IGF2BP2: variants seen among roughly 807,000 people sequenced by gnomAD.
IGF2BP2 encodes insulin-like growth factor 2 mRNA-binding protein 2.
IGF2BP2 carries 17 observed loss-of-function variants against 75.8 expected under a neutral mutation model. The ratio of observed to expected loss-of-function variants is 0.22; its 90% CI spans 0.15 to 0.34. The LOEUF (loss-of-function observed/expected upper bound fraction) is 0.34. Ranked by LOEUF, IGF2BP2 falls within the 10% of genes least tolerant of loss-of-function variation. The pLI, the probability that IGF2BP2 is intolerant of heterozygous loss-of-function variation, is 1.00. For synonymous variants in IGF2BP2, 288 were observed against 295.6 expected, an observed-to-expected ratio of 0.97 and a Z score of 0.26; for missense variants, 516 against 772.4, an observed-to-expected ratio of 0.67 and a Z score of 3.93.
chr3:185,687,811 A>C (rs1035461215), intron 6 of IGF2BP2, among the ~76,000 whole-genome samples: 2 of 152,220 alleles, frequency 1.3e-5, no homozygotes, highest in Non-Finnish European at 2.9e-5. Flanking sequence ...AAAATTACAT[A>C]ACTGATTATA....
chr3:185,785,294 CCTT>C (rs67940519), intron 2 of IGF2BP2, among the ~76,000 whole-genome samples: 43,117 of 146,354 alleles, frequency 0.29, 6,824 homozygotes, highest in African/African-American at 0.42. Context: ...GAGTGAGACT[CCTT>C]CTCAAAAAAA....
At chr3:185,799,892 T>C (rs1298786066) in intron 2 of IGF2BP2, among the ~76,000 whole-genome samples, 7 of 152,182 alleles carry the variant, frequency 4.6e-5, no homozygotes, top group Non-Finnish European at 1.0e-4. Flanking sequence ...GATCTAGAAC[T>C]AGAAATGCCA....
chr3:185,823,138 G>C lies in IGF2BP2; in HGVS notation c.239+15C>G, dbSNP rs758301071. On this transcript the variant is annotated intron_variant, in intron 2 of 15. Transcript: ENST00000382199. ...AGGCCAATCGCAAAAAAAAAACTAA[G>C]CAAAGTATATTTACCTTAGCTTTTT... 3.2e-6 allele frequency: 5 copies of C among 1,559,228 alleles called. 1 individual carries two copies. The Admixed American group carries it at 9.7e-5, about 30-fold the overall frequency.
chr3:185,659,352 A>G (rs2149108346), intron 10 of IGF2BP2, among the ~76,000 whole-genome samples: 1 of 152,334 alleles, frequency 6.6e-6, no homozygotes, highest in Non-Finnish European at 1.5e-5. Flanking sequence ...GAAAATAGAA[A>G]TTTAGAAAGT....
chr3:185,760,787 A>T (rs550662503), intron 2 of IGF2BP2, among the ~76,000 whole-genome samples: 1 of 152,176 alleles, frequency 6.6e-6, no homozygotes, highest in African/African-American at 2.4e-5. Flanking sequence ...CTGGGAGCAG[A>T]GGATCAGCTG....
At chr3:185,703,785 G>A (rs1379209552) in intron 2 of IGF2BP2, among the ~76,000 whole-genome samples, 1 of 152,008 alleles carries the variant, frequency 6.6e-6, no homozygotes, top group African/African-American at 2.4e-5. Flanking sequence ...AAGAAAGAAA[G>A]AAAGAGAGAA....
At chr3:185,754,924 A>G (rs1229246334) in intron 2 of IGF2BP2, among the ~76,000 whole-genome samples, 2 of 152,180 alleles carry the variant, frequency 1.3e-5, no homozygotes, top group African/African-American at 4.8e-5. Flanking sequence ...TTAAAGTGGA[A>G]CTTATATTTA....
intron 7 of IGF2BP2, among the ~76,000 whole-genome samples, chr3:185,679,736 C>G (rs1474876537): frequency 2.0e-5 from 3 of 152,136 alleles, no homozygotes; most frequent in African/African-American, 7.2e-5. Flanking sequence ...CCTGCCTCAG[C>G]CTCCTGAGTA....
chr3:185,812,886 GA>G (rs1250928394), intron 2 of IGF2BP2, among the ~76,000 whole-genome samples: 2 of 152,178 alleles, frequency 1.3e-5, no homozygotes, highest in Admixed American at 1.3e-4. Context: ...TGTTGGCCTA[GA>G]AATTTATAAG....
rs2150069824 is a variant in IGF2BP2 at position 185,821,820 on chromosome 3, A to G, written c.239+1333T>C. Among the ~76,000 whole-genome samples the G allele has an allele frequency of 2.0e-5, 3 of 152,316 alleles. No homozygotes were observed. In the South Asian group the frequency reaches 6.2e-4, roughly 32 times the overall value. ...TAATTTATATTTGTTGTAAATAGTT[A>G]ATATATCAGAAAGCTTCAACTTGGA... On this transcript the variant is annotated intron_variant, in intron 2 of 15. Coordinates refer to ENST00000382199, the MANE Select transcript of IGF2BP2 (RefSeq NM_006548.6).
intron 2 of IGF2BP2, among the ~76,000 whole-genome samples, chr3:185,752,009 G>A (rs1303505547): frequency 1.3e-5 from 2 of 152,162 alleles, no homozygotes; most frequent in Non-Finnish European, 2.9e-5. Context: ...AATGCTATTA[G>A]TTGTGTAGGT....
intron 2 of IGF2BP2, among the ~76,000 whole-genome samples, chr3:185,781,502 G>A (rs757118211): frequency 1.3e-5 from 2 of 152,148 alleles, no homozygotes; most frequent in Non-Finnish European, 2.9e-5. Context: ...AAGGTTTGGC[G>A]TTAACAGGGT....
chr3:185,806,293 A>G (rs4686392), intron 2 of IGF2BP2, among the ~76,000 whole-genome samples: 63,241 of 152,072 alleles, frequency 0.42, 15,889 homozygotes, highest in African/African-American at 0.72. Flanking sequence ...GGTGGGAAAA[A>G]GATAACTTAG....
intron 2 of IGF2BP2, among the ~76,000 whole-genome samples, chr3:185,798,470 A>C (rs1737737840): frequency 6.6e-6 from 1 of 152,184 alleles, no homozygotes; most frequent in Non-Finnish European, 1.5e-5. Flanking sequence ...TGACCACATG[A>C]ATTTTTCTTA....
At chr3:185,798,643 A>AT (rs1737757142) in intron 2 of IGF2BP2, among the ~76,000 whole-genome samples, 2 of 152,096 alleles carry the variant, frequency 1.3e-5, no homozygotes, top group African/African-American at 4.8e-5. Flanking sequence ...CAAATATAAC[A>AT]TTTTTCCTGT....
chr3:185,646,309 G>T (rs1713537710), intron 15 of IGF2BP2, among the ~76,000 whole-genome samples: 1 of 152,196 alleles, frequency 6.6e-6, no homozygotes, highest in Non-Finnish European at 1.5e-5. Context: ...CAGTGTGGCA[G>T]CTGCCCTTTC....
At chr3:185,817,661 A>G (rs914915118) in intron 2 of IGF2BP2, among the ~76,000 whole-genome samples, 5 of 152,210 alleles carry the variant, frequency 3.3e-5, no homozygotes, top group Admixed American at 1.3e-4. Context: ...TCAAATTATA[A>G]AGTAAAAGAT....
At chr3:185,787,433 G>A (rs573429782) in intron 2 of IGF2BP2, among the ~76,000 whole-genome samples, 5 of 152,084 alleles carry the variant, frequency 3.3e-5, no homozygotes, top group Non-Finnish European at 7.4e-5. Flanking sequence ...AGAATTTGAG[G>A]CTAAAAGAGC....
intron 2 of IGF2BP2, among the ~76,000 whole-genome samples, chr3:185,781,191 C>A (rs1474934502): frequency 1.3e-5 from 2 of 151,952 alleles, no homozygotes; most frequent in Non-Finnish European, 1.5e-5. Flanking sequence ...AGGATGAATT[C>A]CAGCTATTCT....
Sources: gnomAD v4.1 joint callset for allele counts (sites outside exome capture counted in the v4.1 genomes callset) on GRCh38, gnomAD v4.1.1 for gene constraint, MANE v1.5 for transcripts, NCBI Gene and HGNC (gene_info 2026-07-23, HGNC 2026-07-21) for gene names.